The following FXR2 variants were observed in gnomAD, a reference collection of about 807,000 sequenced individuals.
The protein encoded by FXR2 is FMR1 autosomal homolog 2.
In FXR2, 9 loss-of-function variants were observed where a neutral mutation model predicts 87.3. The observed-to-expected ratio is 0.10, with a 90% confidence interval of 0.06 to 0.18. The LOEUF (loss-of-function observed/expected upper bound fraction) is 0.18, where lower values mean the gene tolerates loss of function less well. Among genes scored for constraint, FXR2 ranks in the 10% least tolerant of loss-of-function variants. The pLI, the probability that FXR2 is intolerant of heterozygous loss-of-function variation, is 1.00. For missense variants in FXR2, 661 were observed against 893.6 expected (o/e 0.74, Z 3.32); for synonymous variants, 331 against 328.3 (o/e 1.01, Z -0.09).
chr17:7,605,646 TC>T lies in FXR2; in HGVS notation c.226del (p.Glu76ArgfsTer21). 1 of 1,472,930 alleles carries T rather than the reference TC, an allele frequency of 6.8e-7. No individual in the cohort carries two copies. The highest frequency in any genetic ancestry group is 9.5e-7 in the Non-Finnish European group (1 of 1,053,066). The allele number at this position is 1,472,930 out of a possible 1,614,324, so 91.2% of individuals were successfully genotyped here. On this transcript the variant is annotated frameshift_variant and splice_region_variant, in exon 3 of 17. Transcript: ENST00000250113. LOFTEE classifies it high-confidence loss of function. ...AAAGGTGTACTCCACAGCCCTTACCTCCACTTCATCCCCTTCTGTGATCTCC... is the reference window on the plus strand; with the variant it reads ...AAAGGTGTACTCCACAGCCCTTACCTCACTTCATCCCCTTCTGTGATCTCC... ...NKEITEGDEVEVYSRANEQEP... is the reference protein window; with the variant it reads ...NKEITEGDEVXVYSRANEQEP...
Position 7,593,180 on chromosome 17 carries a change from G to T in FXR2, c.1332C>A (p.Gly444=). ...RGRRTGGPAY[G]PSSDVSTASE... ...AAGCTGTAGACACATCTGAGCTGGG[G>T]CCTGAAGAACACAATGGGATTTATT... The change falls in exon 13 of 17, where the codon GGC becomes GGA. Residue 444 remains glycine (G), a splice_region_variant and synonymous_variant. Coordinates refer to ENST00000250113, the MANE Select transcript of FXR2 (RefSeq NM_004860.4). The surrounding 1 kb of genome is among the most constrained non-coding windows in gnomAD (Gnocchi z 6.1). 1 of 1,516,676 alleles carries T rather than the reference G, an allele frequency of 6.6e-7. No individual in the cohort carries two copies. Among genetic ancestry groups the T allele is most frequent in the East Asian group, 2.3e-5 (1 of 43,990 alleles). 94.0% of individuals were successfully genotyped at this position (1,516,676 alleles called of 1,614,324 possible). A position where few individuals can be genotyped will look rare whatever the true frequency, so the allele number is the denominator to read the frequency against.
chr17:7,609,504 T>G (rs1166909205), intron 1 of FXR2, among the ~76,000 whole-genome samples: 1 of 152,228 alleles, frequency 6.6e-6, no homozygotes, highest in Non-Finnish European at 1.5e-5. Flanking sequence ...CCATGCTTTT[T>G]CTTTCTCTGA....
At chr17:7,605,788 C>A (rs1172956867) in intron 2 of FXR2, 50 bp from the exon 3 acceptor site, 1 of 1,067,290 alleles carries the variant, frequency 9.4e-7, no homozygotes, top group Non-Finnish European at 1.4e-6. Context: ...GATATGGTTG[C>A]CCATTTCTTT....
intron 7 of FXR2, among the ~76,000 whole-genome samples, chr17:7,598,586 C>T (rs1242406574): frequency 1.3e-5 from 2 of 152,148 alleles, no homozygotes; most frequent in African/African-American, 2.4e-5. Context: ...ACTCTCTGAC[C>T]GAATTTTGTA....
intron 1 of FXR2, among the ~76,000 whole-genome samples, chr17:7,607,318 C>CAA (rs780175985): frequency 9.3e-4 from 110 of 118,492 alleles, no homozygotes; most frequent in East Asian, 1.4e-3. Context: ...AACTCCATCT[C>CAA]AAAAAAAAAA....
chr17:7,601,333 G>A, intron 7 of FXR2, 76 bp downstream of exon 7: 1 of 842,952 alleles, frequency 1.2e-6, no homozygotes, highest in Non-Finnish European at 2.1e-6. Context: ...GTAAACACAA[G>A]ATCATGGATG....
At chr17:7,614,357 C>A in intron 1 of FXR2, 95 bp downstream of exon 1, 1 of 922,400 alleles carries the variant, frequency 1.1e-6, no homozygotes, top group East Asian at 2.7e-5. Context: ...AGGGCCAGGA[C>A]TCAGCTCCAG....
Position 7,592,740 on chromosome 17 carries a change from A to G in FXR2, c.1683T>C (p.Asp561=). The G allele has an allele frequency of 6.2e-7, 1 of 1,613,568 alleles. No individual in the cohort carries two copies. ...TGGGCCCATCTGATTCCAGGCCTCC[A>G]TCCATGACGGTCCTGTCTTCATCAG... ...RRTDEDRTVM[D]GGLESDGPNM... is the part of the protein sequence containing the mutation. Residue 561 remains aspartate (D), a synonymous_variant, in exon 14 of 17, where the codon GAT becomes GAC. Coordinates refer to ENST00000250113, the MANE Select transcript of FXR2 (RefSeq NM_004860.4). The surrounding 1 kb of genome is among the most constrained non-coding windows in gnomAD (Gnocchi z 4.8).
rs3785551 is a variant in FXR2 at position 7,613,415 on chromosome 17, G to A, written c.81+1037C>T. 1.3e-3 allele frequency among the ~76,000 whole-genome samples: 195 copies of A among 152,136 alleles called. 5 individuals are homozygous for A. In the East Asian group the frequency reaches 0.03, roughly 23 times the overall value. Reference sequence around the variant, plus strand: ...GGGCTCTCTCTGGCTTAATCTAAATGGGAAAAAAATGTCCTAGAAAATAGA... The same window carrying A: ...GGGCTCTCTCTGGCTTAATCTAAATAGGAAAAAAATGTCCTAGAAAATAGA... On this transcript the variant is annotated intron_variant, in intron 1 of 16. Transcript: ENST00000250113.
intron 1 of FXR2, among the ~76,000 whole-genome samples, chr17:7,611,807 A>G (rs995164410): frequency 1.3e-5 from 2 of 152,212 alleles, no homozygotes; most frequent in African/African-American, 2.4e-5. Flanking sequence ...TTGCTGAGTC[A>G]TGAATATTAA....
intron 7 of FXR2, among the ~76,000 whole-genome samples, chr17:7,599,170 T>G (rs772300580): frequency 1.2e-4 from 18 of 149,340 alleles, no homozygotes; most frequent in Non-Finnish European, 2.4e-4. Context: ...TATGGTGGCA[T>G]GCACCTGTAA....
At chr17:7,604,350 A>T (rs1363990711) in intron 3 of FXR2, among the ~76,000 whole-genome samples, 9 of 152,002 alleles carry the variant, frequency 5.9e-5, no homozygotes, top group African/African-American at 1.9e-4. Context: ...GGATCTCTTG[A>T]GCTCAGGAGT....
intron 7 of FXR2, 32 bp downstream of exon 7, chr17:7,601,377 C>A: frequency 8.7e-7 from 1 of 1,152,996 alleles, no homozygotes; most frequent in South Asian, 1.2e-5. Context: ...AGACAATACC[C>A]TTCAGCAGAA....
chr17:7,609,956 A>AGATATACATG (rs2071840362), intron 1 of FXR2, among the ~76,000 whole-genome samples: 1 of 46,972 alleles, frequency 2.1e-5, no homozygotes, highest in Non-Finnish European at 7.5e-5. Context: ...ATATGTATAC[A>AGATATACATG]TATATATACA....
chr17:7,612,182 C>T (rs1213248703), intron 1 of FXR2, among the ~76,000 whole-genome samples: 9 of 152,204 alleles, frequency 5.9e-5, no homozygotes, highest in East Asian at 1.9e-4. Flanking sequence ...AGGGCTCCTA[C>T]GCTTCCTAGA....
chr17:7,596,081 A>T, intron 7 of FXR2, 87 bp from the exon 8 acceptor site: 2 of 999,016 alleles, frequency 2.0e-6, no homozygotes, highest in Non-Finnish European at 1.5e-6. Flanking sequence ...AAATAAGGAA[A>T]ACTGTGTGAT....
At chr17:7,609,300 C>G (rs989417670) in intron 1 of FXR2, among the ~76,000 whole-genome samples, 2 of 152,192 alleles carry the variant, frequency 1.3e-5, no homozygotes, top group Non-Finnish European at 2.9e-5. Context: ...TACCAGATTG[C>G]TATTTCCTTA....
chr17:7,598,694 T>C (rs1174690912), intron 7 of FXR2, among the ~76,000 whole-genome samples: 3 of 151,970 alleles, frequency 2.0e-5, no homozygotes, highest in African/African-American at 7.3e-5. Flanking sequence ...TGAGACTCCG[T>C]CTCAAAAAAT....
At chr17:7,603,050 G>T in intron 5 of FXR2, 48 bp from the exon 6 acceptor site, 1 of 925,498 alleles carries the variant, frequency 1.1e-6, no homozygotes, top group Non-Finnish European at 1.7e-6. Context: ...AGAGTACAGT[G>T]AAGAGTTCGG....
Sources: allele counts gnomAD v4.1 joint callset (sites outside exome capture counted in the v4.1 genomes callset), GRCh38; gene constraint gnomAD v4.1.1; non-coding constraint Gnocchi (gnomAD v3.1); transcripts MANE v1.5; gene names NCBI Gene and HGNC (gene_info 2026-07-23, HGNC 2026-07-21).